EBP: variants seen among roughly 807,000 people sequenced by gnomAD.
The protein encoded by EBP is 3-beta-hydroxysteroid-Delta(8),Delta(7)-isomerase.
In EBP, 1 loss-of-function variant was observed where a neutral mutation model predicts 14.1. That is an observed-to-expected ratio of 0.07 (90% CI 0.03 to 0.34). EBP has a LOEUF of 0.34. Among genes scored for constraint, EBP ranks in the 10% least tolerant of loss-of-function variants. EBP has a pLI of 0.99. For missense variants in EBP, 123 were observed against 184.6 expected (o/e 0.67, Z 1.93); for synonymous variants, 72 against 77.7 (o/e 0.93, Z 0.38).
At chrX:48,523,210 C>G (rs1291664331) in intron 1 of EBP, among the ~76,000 whole-genome samples, 2 of 112,040 alleles carry the variant, frequency 1.8e-5, no homozygotes, top group African/African-American at 6.5e-5. Context: ...ATCAGCCTCC[C>G]AAAGCACTGG....
Position 48,521,892 on chromosome X carries a change from G to C in EBP, c.-89G>C, listed in dbSNP as rs782254565. ...CCCGGAGCCAGCGTGGGAGGCCGCTGCCGTCGCGCGCCTTGGTGAGTGCCC... is the reference window on the plus strand; with the variant it reads ...CCCGGAGCCAGCGTGGGAGGCCGCTCCCGTCGCGCGCCTTGGTGAGTGCCC... On this transcript the variant is annotated 5_prime_UTR_variant, in exon 1 of 5. Transcript: ENST00000495186. 2 of 113,409 alleles carry C rather than the reference G, an allele frequency of 1.8e-5. No individual in the cohort carries two copies. Among genetic ancestry groups the C allele is most frequent in the African/African-American group, 6.4e-5 (2 of 31,167 alleles). The allele number at this position is 113,409 out of a possible 1,213,427, so 9.3% of individuals were successfully genotyped here. A position where few individuals can be genotyped will look rare whatever the true frequency, so the allele number is the denominator to read the frequency against.
At position 48,527,781 on chromosome X, in the gene EBP, T is replaced by C. The variant is rs1476548607; in HGVS notation, c.470-453T>C. 1.7e-5 allele frequency: 3 copies of C among 173,678 alleles called. No individual in the cohort carries two copies. In the East Asian group the frequency reaches 4.6e-4, roughly 27 times the overall value. 14.3% of individuals were successfully genotyped at this position (173,678 alleles called of 1,213,427 possible). On this transcript the variant is annotated intron_variant, in intron 4 of 4. Coordinates refer to ENST00000495186, the MANE Select transcript of EBP (RefSeq NM_006579.3). ...CCACCGTGCCTGGCTAACTTTTGTA[T>C]TTTTAGTAGAGATGGGGTTTCGCCA...
intron 4 of EBP, among the ~76,000 whole-genome samples, chrX:48,527,971 C>T (rs2061784296): frequency 1.8e-5 from 2 of 111,575 alleles, no homozygotes; most frequent in Admixed American, 9.5e-5. Flanking sequence ...TATCTTTAGT[C>T]CCAGAATCCT....
intron 2 of EBP, 40 bp from the exon 3 acceptor site, chrX:48,526,949 A>G: frequency 5.8e-6 from 7 of 1,205,943 alleles, no homozygotes; most frequent in Non-Finnish European, 7.9e-6. Context: ...TGTTCCTTTC[A>G]CTGCCTTTAT....
In EBP at chrX:48,525,839, C is replaced by T. The variant is rs782071213; in HGVS notation, c.302-1150C>T. On this transcript the variant is annotated intron_variant, in intron 2 of 4. Transcript: ENST00000495186. ...GAGTGGCTCATGCCTGTAATCCCAG[C>T]ACTTTGTGAGGCGAAGGCGGGCAGA... is the stretch of plus-strand genomic sequence containing the variant. Among the ~76,000 whole-genome samples the T allele has an allele frequency of 4.5e-5, 5 of 110,010 alleles. No individual in the cohort carries two copies. The East Asian group carries it at 1.1e-3, about 25-fold the overall frequency.
intron 1 of EBP, 90 bp downstream of exon 1, chrX:48,521,997 C>CGGGT (rs1312816465): frequency 1.4e-5 from 1 of 70,148 alleles, no homozygotes; most frequent in Non-Finnish European, 2.5e-5. Context: ...AGACCCTTTG[C>CGGGT]CACCCGCCCC....
At chrX:48,527,709 G>A (rs1401915954) in intron 4 of EBP, 5 of 184,857 alleles carry the variant, frequency 2.7e-5, no homozygotes, top group Admixed American at 1.5e-4. Flanking sequence ...AGACTCAAGC[G>A]ATCTTCCTGC....
intron 1 of EBP, 200 bp downstream of exon 1, chrX:48,522,107 T>A (rs1259864718): frequency 9.6e-6 from 1 of 104,195 alleles, no homozygotes; most frequent in East Asian, 3.1e-4. Context: ...GACTGGAGGG[T>A]TCTGGTTCGG....
chrX:48,525,293 T>C (rs1330985567), intron 2 of EBP, among the ~76,000 whole-genome samples: 1 of 112,511 alleles, frequency 8.9e-6, no homozygotes, highest in Non-Finnish European at 1.9e-5. Flanking sequence ...TTTCCCTTTT[T>C]ACACAAATGG....
rs1569479885 is a variant in EBP, at chrX:48,527,026, G to C, written c.338+1G>C. On this transcript the variant is annotated splice_donor_variant, in intron 3 of 4. Transcript: ENST00000495186. LOFTEE classifies it high-confidence loss of function. ...CCAAGGGAGACAGCCGATACATCCT[G>C]TAAGTGTTTGCCTCTGTCAATGGAG... The C allele has an allele frequency of 8.3e-7, 1 of 1,211,834 alleles. No homozygotes were observed. Among genetic ancestry groups the C allele is most frequent in the Non-Finnish European group, 1.1e-6 (1 of 895,448 alleles).
chrX:48,526,344 T>C, intron 2 of EBP, among the ~76,000 whole-genome samples: 1 of 85,641 alleles, frequency 1.2e-5, no homozygotes, highest in East Asian at 3.4e-4. Flanking sequence ...CTTTCTTTCT[T>C]TTTTTTTTTT....
rs202027120 is a variant in EBP, at chrX:48,527,335, G to T, written c.469+50G>T. On this transcript the variant is annotated intron_variant, in intron 4 of 4. Coordinates refer to ENST00000495186, the MANE Select transcript of EBP (RefSeq NM_006579.3). ...ACTGGGCACTAGAGGGGTTGATGGG[G>T]GATCCACAGACACAGATGTATCCCT... The T allele has an allele frequency of 4.6e-5, 55 of 1,206,121 alleles. No individual in the cohort carries two copies. The East Asian group carries it at 1.5e-3, about 33-fold the overall frequency.
intron 2 of EBP, among the ~76,000 whole-genome samples, chrX:48,525,108 C>G (rs1316429523): frequency 1.8e-5 from 2 of 112,247 alleles, no homozygotes; most frequent in South Asian, 3.7e-4. Flanking sequence ...CTGTTAGGCA[C>G]TGTTGATAGT....
chrX:48,525,631 A>C (rs1403191882), intron 2 of EBP, among the ~76,000 whole-genome samples: 1 of 108,322 alleles, frequency 9.2e-6, no homozygotes, highest in Non-Finnish European at 1.9e-5. Context: ...TGCCCACCTC[A>C]GCCTCCCAAA....
At chrX:48,527,071 G>A (rs782002953) in intron 3 of EBP, 46 bp downstream of exon 3, 25 of 1,209,544 alleles carry the variant, frequency 2.1e-5, no homozygotes, top group Non-Finnish European at 2.6e-5. Flanking sequence ...GGTTTTCGGG[G>A]GGTGGTGAGT....
At chrX:48,523,345 G>A (rs1280972712) in intron 1 of EBP, among the ~76,000 whole-genome samples, 1 of 110,813 alleles carries the variant, frequency 9.0e-6, no homozygotes, top group African/African-American at 3.3e-5. Context: ...GTGAGGTCAG[G>A]AGATCAAGAC....
At chrX:48,523,591 T>TA in intron 1 of EBP, 108 bp from the exon 2 acceptor site, 1 of 499,921 alleles carries the variant, frequency 2.0e-6, no homozygotes, top group East Asian at 3.7e-5. Context: ...TTAGAAGTGT[T>TA]ACAATCCTGT....
intron 2 of EBP, among the ~76,000 whole-genome samples, chrX:48,526,330 TTTTC>T (rs1556977447): frequency 1.9e-5 from 2 of 106,659 alleles, no homozygotes; most frequent in Admixed American, 1.0e-4. Flanking sequence ...TGGATGATCT[TTTTC>T]TTTCTTTCTT....
intron 2 of EBP, among the ~76,000 whole-genome samples, chrX:48,525,101 T>G (rs2061775270): frequency 8.9e-6 from 1 of 112,280 alleles, no homozygotes; most frequent in Non-Finnish European, 1.9e-5. Context: ...CCAAACGCTG[T>G]TAGGCACTGT....
Sources: gnomAD v4.1 joint callset for allele counts (sites outside exome capture counted in the v4.1 genomes callset) on GRCh38, gnomAD v4.1.1 for gene constraint, MANE v1.5 for transcripts, NCBI Gene and HGNC (gene_info 2026-07-23, HGNC 2026-07-21) for gene names.